The following FNIP2 variants were observed in gnomAD, a reference collection of about 807,000 sequenced individuals.
FNIP2 encodes folliculin-interacting protein 2.
FNIP2 carries 32 observed loss-of-function variants against 108.7 expected under a neutral mutation model. That is an observed-to-expected ratio of 0.29 (90% CI 0.22 to 0.40). The LOEUF is 0.40. Among genes scored for constraint, FNIP2 ranks in the 10% least tolerant of loss-of-function variants. FNIP2 has a pLI of 1.00. For missense variants in FNIP2, 1,202 were observed against 1,381.6 expected, an observed-to-expected ratio of 0.87 and a Z score of 2.06; for synonymous variants, 480 against 496.7, an observed-to-expected ratio of 0.97 and a Z score of 0.45.
At chr4:158,844,969 T>C in intron 7 of FNIP2, among the ~76,000 whole-genome samples, 1 of 152,208 alleles carries the variant, frequency 6.6e-6, no homozygotes, top group East Asian at 1.9e-4. Context: ...CCTCCTTAGA[T>C]AGGAGGGTTG....
intron 16 of FNIP2, among the ~76,000 whole-genome samples, chr4:158,902,805 C>G (rs1274835631): frequency 6.6e-6 from 1 of 152,214 alleles, no homozygotes; most frequent in Non-Finnish European, 1.5e-5. Context: ...ACCGCTTACT[C>G]AAGTCTCAGC....
chr4:158,889,465 T>C (rs148072050), intron 14 of FNIP2, among the ~76,000 whole-genome samples: 238 of 152,280 alleles, frequency 1.6e-3, no homozygotes, highest in African/African-American at 5.3e-3. Context: ...ACTTATAGTC[T>C]ATGCACTGTT....
rs1023318835 is a variant in FNIP2 at position 158,861,809 on chromosome 4, A to G, written c.1465+33A>G. The stretch of plus-strand genomic sequence containing the variant: ...CCTAATTTGACTATTCAGAGAATAT[A>G]TGGGATGGAATAGGAAAAAAATGCT... On this transcript the variant is annotated intron_variant, in intron 12 of 16. Coordinates refer to ENST00000264433, the MANE Select transcript of FNIP2 (RefSeq NM_020840.3). 4 of 1,606,146 alleles carry G rather than the reference A, an allele frequency of 2.5e-6. No individual in the cohort carries two copies. In the African/African-American group the frequency reaches 4.0e-5, roughly 16 times the overall value.
At chr4:158,779,108 G>T (rs755834040) in intron 1 of FNIP2, among the ~76,000 whole-genome samples, 3 of 152,204 alleles carry the variant, frequency 2.0e-5, no homozygotes, top group Non-Finnish European at 4.4e-5. Flanking sequence ...AGTTCAACAT[G>T]TGTGCAGATT....
At chr4:158,871,566 C>A (rs2126713176) in intron 14 of FNIP2, 1 of 985,324 alleles carries the variant, frequency 1.0e-6, no homozygotes, top group South Asian at 4.7e-5. Context: ...AACATAACCT[C>A]CCTCAATGGG....
chr4:158,880,936 T>A (rs1275615111), intron 14 of FNIP2, among the ~76,000 whole-genome samples: 1 of 152,086 alleles, frequency 6.6e-6, no homozygotes, highest in Non-Finnish European at 1.5e-5. Flanking sequence ...GCTGAGAAGG[T>A]GACTGTCATC....
chr4:158,870,345 A>T lies in FNIP2; in HGVS notation c.2825A>T (p.Asn942Ile). The T allele has an allele frequency of 6.2e-7, 1 of 1,613,998 alleles. No individual in the cohort carries two copies. Among genetic ancestry groups the T allele is most frequent in the Non-Finnish European group, 8.5e-7 (1 of 1,179,854 alleles). The stretch of plus-strand genomic sequence containing the variant: ...AGCATCAGCACCCAGAATGTAAGGA[A>T]CTTTGGCCGCTCACTTCTGGCGGGC... ...SQSISTQNVR[N>I]FGRSLLAGYC... The change falls in exon 14 of 17, where the codon AAC becomes ATC. Residue 942 changes from asparagine (N) to isoleucine (I), a missense_variant. Transcript: ENST00000264433.
At chr4:158,834,019 C>G (rs557599472) in intron 6 of FNIP2, 446 of 459,216 alleles carry the variant, frequency 9.7e-4, no homozygotes, top group Non-Finnish European at 1.4e-3. Context: ...ATATTGGTTT[C>G]AAATGCGGCC....
rs1217658443 is a variant in FNIP2, at chr4:158,780,066, A to AG, written c.107+10747_107+10748insG. ...CTACAAAATAAAAAATAAAAAAAAA[A>AG]CTAGCTAGGCACATGCCTGTGGTTA... On this transcript the variant is annotated intron_variant, in intron 1 of 16. Coordinates refer to ENST00000264433, the MANE Select transcript of FNIP2 (RefSeq NM_020840.3). Among the ~76,000 whole-genome samples, 5 of 151,878 alleles carry AG rather than the reference A, an allele frequency of 3.3e-5. No homozygotes were observed. The East Asian group carries it at 9.7e-4, about 29-fold the overall frequency.
intron 14 of FNIP2, among the ~76,000 whole-genome samples, chr4:158,878,480 G>C (rs1230488579): frequency 6.6e-6 from 1 of 152,128 alleles, no homozygotes; most frequent in Non-Finnish European, 1.5e-5. Context: ...TTCAGGTCCA[G>C]ATTTATTCTA....
intron 12 of FNIP2, among the ~76,000 whole-genome samples, chr4:158,862,631 A>G (rs952170489): frequency 6.6e-6 from 1 of 152,238 alleles, no homozygotes; most frequent in Non-Finnish European, 1.5e-5. Flanking sequence ...AGAAAGCTAG[A>G]AGAGAGGTTT....
At chr4:158,902,380 A>C (rs1044740451) in intron 16 of FNIP2, among the ~76,000 whole-genome samples, 2 of 152,188 alleles carry the variant, frequency 1.3e-5, no homozygotes, top group Admixed American at 1.3e-4. Flanking sequence ...AGGGGCACCC[A>C]CCAGATTCCA....
chr4:158,827,859 G>A (rs1578875057), intron 2 of FNIP2, among the ~76,000 whole-genome samples: 1 of 152,044 alleles, frequency 6.6e-6, no homozygotes, highest in Non-Finnish European at 1.5e-5. Flanking sequence ...AGCACAAAAC[G>A]TCATGAGTTT....
At chr4:158,816,165 T>C (rs989461780) in intron 1 of FNIP2, among the ~76,000 whole-genome samples, 10 of 152,192 alleles carry the variant, frequency 6.6e-5, no homozygotes, top group Non-Finnish European at 1.5e-5. Context: ...TTTGGTTCTT[T>C]CATCTTGCAA....
In FNIP2 at chr4:158,868,368, C is replaced by G. The variant is rs760450033; in HGVS notation, c.1732C>G (p.Leu578Val). 1.3e-5 allele frequency: 21 copies of G among 1,613,878 alleles called. No individual in the cohort carries two copies. Among genetic ancestry groups the G allele is most frequent in the Non-Finnish European group, 1.7e-5 (20 of 1,179,900 alleles). ...CATTACGGTGAGGAACGAGCCCGCT[C>G]TTGTACCCCCCATCCTACCACCAAC... is the stretch of plus-strand genomic sequence containing the variant. ...VVITVRNEPA[L>V]VPPILPPTAA... Residue 578 changes from leucine to valine, a missense_variant, in exon 13 of 17, where the codon CTT becomes GTT. Physicochemically the swap from Leu to Val is conservative, Grantham distance 32 (BLOSUM62 1). Around this residue, in one of 5 missense-constraint regions of FNIP2, gnomAD observed 878 missense variants for 990.3 expected, o/e 0.89. Transcript: ENST00000264433. The surrounding 1 kb of genome is among the most constrained non-coding windows in gnomAD (Gnocchi z 4.6).
At chr4:158,849,881 TG>T (rs1779605567) in intron 7 of FNIP2, among the ~76,000 whole-genome samples, 1 of 151,486 alleles carries the variant, frequency 6.6e-6, no homozygotes, top group Non-Finnish European at 1.5e-5. Flanking sequence ...ATGGGTACAA[TG>T]GATGCAAAGA....
chr4:158,890,584 G>T (rs560211030), intron 14 of FNIP2, among the ~76,000 whole-genome samples: 1 of 152,352 alleles, frequency 6.6e-6, no homozygotes, highest in African/African-American at 2.4e-5. Flanking sequence ...CCATGGTCCA[G>T]TGGCAAAGCT....
At chr4:158,818,522 CTCTA>C (rs1340373924) in intron 1 of FNIP2, among the ~76,000 whole-genome samples, 25 of 152,182 alleles carry the variant, frequency 1.6e-4, no homozygotes, top group African/African-American at 3.4e-4. Context: ...TGTTTATAGT[CTCTA>C]TCTAATCCAC....
At chr4:158,832,441 C>T (rs911990871) in intron 5 of FNIP2, among the ~76,000 whole-genome samples, 1 of 152,174 alleles carries the variant, frequency 6.6e-6, no homozygotes, top group Non-Finnish European at 1.5e-5. Flanking sequence ...GAAGGGGCTA[C>T]ATTATTCTGA....
Sources: gnomAD v4.1 joint callset for allele counts (sites outside exome capture counted in the v4.1 genomes callset) on GRCh38, gnomAD v4.1.1 for gene constraint, gnomAD v4.1.1 regional missense constraint, Gnocchi (gnomAD v3.1) non-coding constraint, MANE v1.5 for transcripts, NCBI Gene and HGNC (gene_info 2026-07-23, HGNC 2026-07-21) for gene names.